The following PITPNC1 variants were observed in gnomAD, a reference collection of about 807,000 sequenced individuals.
The protein encoded by PITPNC1 is cytoplasmic phosphatidylinositol transfer protein 1.
In PITPNC1, 18 loss-of-function variants were observed where a neutral mutation model predicts 44.7. The observed-to-expected ratio is 0.40, with a 90% CI of 0.28 to 0.60. The LOEUF is 0.60. PITPNC1 is among the 20% of genes least tolerant of loss of function. The probability of loss-of-function intolerance (pLI) is 0.39; values close to 1 mark genes in which losing one functional copy is unlikely to be tolerated. For missense variants in PITPNC1, 290 were observed against 418.4 expected (o/e 0.69, Z 2.68); for synonymous variants, 141 against 149.6 (o/e 0.94, Z 0.42).
rs2042961756 is a variant in PITPNC1, at chr17:67,693,356, T to C, written c.*468T>C. ...CTAATTACTAATACTTGAATACCAA[T>C]AGTTACTGAGATTCCTATTTTGTGG... On this transcript the variant is annotated 3_prime_UTR_variant, in exon 9 of 9. Coordinates refer to ENST00000581322, the MANE Select transcript of PITPNC1 (RefSeq NM_012417.4). 6.5e-6 allele frequency: 1 copy of C among 153,288 alleles called. No homozygotes were observed. The highest frequency in any genetic ancestry group is 2.4e-5 in the African/African-American group (1 of 41,494). 9.5% of individuals were successfully genotyped at this position (153,288 alleles called of 1,614,324 possible).
rs550897067 is a variant in PITPNC1, at chr17:67,469,881, CTT to C, written c.49-62919_49-62918del. Reference sequence around the variant, plus strand: ...GGCTGAGAGATTTTTTAAAAATCAGCTTTACTGTGATATATAATATATATATG... The same window carrying C: ...GGCTGAGAGATTTTTTAAAAATCAGCTACTGTGATATATAATATATATATG... On this transcript the variant is annotated intron_variant, in intron 1 of 8. Coordinates refer to ENST00000581322, the MANE Select transcript of PITPNC1 (RefSeq NM_012417.4). Among the ~76,000 whole-genome samples the C allele has an allele frequency of 4.3e-3, 650 of 151,752 alleles. 7 individuals carry two copies. The highest frequency in any genetic ancestry group is 0.015 in the African/African-American group (631 of 41,352).
chr17:67,405,609 C>CTTTT (rs748815813), intron 1 of PITPNC1, among the ~76,000 whole-genome samples: 7 of 142,012 alleles, frequency 4.9e-5, no homozygotes, highest in East Asian at 2.0e-4. Flanking sequence ...TTCTTTCTTT[C>CTTTT]TTTTTTTTTT....
chr17:67,669,770 C>A, intron 7 of PITPNC1, 107 bp downstream of exon 7: 1 of 807,918 alleles, frequency 1.2e-6, no homozygotes, highest in South Asian at 1.8e-5. Flanking sequence ...CAGGTCACTG[C>A]ATCTCAAAAA....
intron 5 of PITPNC1, among the ~76,000 whole-genome samples, chr17:67,618,650 A>G (rs889056810): frequency 2.0e-5 from 3 of 151,066 alleles, no homozygotes; most frequent in African/African-American, 4.9e-5. Context: ...TACTCAGGAG[A>G]CTGAGGCAGG....
intron 1 of PITPNC1, among the ~76,000 whole-genome samples, chr17:67,482,303 G>A (rs2039715206): frequency 6.6e-6 from 1 of 152,244 alleles, no homozygotes; most frequent in Admixed American, 6.5e-5. Flanking sequence ...GTTATCTTGA[G>A]TAGGGTATTT....
chr17:67,495,042 T>TTG (rs1253595595), intron 1 of PITPNC1, among the ~76,000 whole-genome samples: 4 of 68,790 alleles, frequency 5.8e-5, no homozygotes, highest in East Asian at 9.0e-4. Flanking sequence ...ATGGAGTTGT[T>TTG]TTTTTTTTTG....
At chr17:67,485,370 A>ATT (rs56863875) in intron 1 of PITPNC1, among the ~76,000 whole-genome samples, 47 of 122,176 alleles carry the variant, frequency 3.8e-4, no homozygotes, top group African/African-American at 9.9e-4. Flanking sequence ...TAGTTGGGTG[A>ATT]TTTTTTTTTT....
intron 2 of PITPNC1, among the ~76,000 whole-genome samples, chr17:67,534,339 A>G (rs2040500648): frequency 6.6e-6 from 1 of 152,110 alleles, no homozygotes; most frequent in Non-Finnish European, 1.5e-5. Context: ...TAGATGCCAT[A>G]TGAAATATAT....
chr17:67,461,197 C>G (rs1206638847), intron 1 of PITPNC1, among the ~76,000 whole-genome samples: 1 of 152,218 alleles, frequency 6.6e-6, no homozygotes, highest in Non-Finnish European at 1.5e-5. Flanking sequence ...CTCACTGTGT[C>G]CATGAAAAGA....
chr17:67,436,034 C>T (rs2038933023), intron 1 of PITPNC1, among the ~76,000 whole-genome samples: 1 of 152,006 alleles, frequency 6.6e-6, no homozygotes, highest in African/African-American at 2.4e-5. Context: ...CTCTGTTGCC[C>T]CAGGCTGCAG....
chr17:67,604,243 A>G (rs2041580285), intron 5 of PITPNC1, among the ~76,000 whole-genome samples: 1 of 152,234 alleles, frequency 6.6e-6, no homozygotes, highest in Non-Finnish European at 1.5e-5. Flanking sequence ...CTTTCCAGCC[A>G]TGTGTCTAGT....
At chr17:67,441,882 CTTAA>C (rs2039017205) in intron 1 of PITPNC1, among the ~76,000 whole-genome samples, 2 of 152,156 alleles carry the variant, frequency 1.3e-5, no homozygotes, top group South Asian at 4.1e-4. Context: ...TTCTTTTCCA[CTTAA>C]TTAGTTAACA....
At position 67,525,059 on chromosome 17, in the gene PITPNC1, G is replaced by A. The variant is rs1236488211; in HGVS notation, c.49-7743G>A. On this transcript the variant is annotated intron_variant, in intron 1 of 8. Transcript: ENST00000581322. ...GCTGGGATTACAGGCATGAGCCACC[G>A]CGCCCGGCCGAAGGTTTTCTAATAA... 1.8e-3 allele frequency: 5 copies of A among 2,756 alleles called. 2 individuals carry two copies. The highest frequency in any genetic ancestry group is 3.2e-3 in the Non-Finnish European group (5 of 1,546). The allele number at this position is 2,756 out of a possible 1,614,324, so 0.2% of individuals were successfully genotyped here. A position where few individuals can be genotyped will look rare whatever the true frequency, so the allele number is the denominator to read the frequency against.
At chr17:67,449,811 T>C (rs368799653) in intron 1 of PITPNC1, among the ~76,000 whole-genome samples, 1 of 152,218 alleles carries the variant, frequency 6.6e-6, no homozygotes, top group Non-Finnish European at 1.5e-5. Context: ...AGTGTTAAAA[T>C]GAAAGCATTG....
In PITPNC1 at chr17:67,495,040, GTTTTTTTTTTTGTTTTTTTTTT is replaced by G. The variant is rs1446630897; in HGVS notation, c.49-37750_49-37729del. Among the ~76,000 whole-genome samples the G allele has an allele frequency of 1.4e-4, 9 of 64,704 alleles. 1 individual carries two copies. Among genetic ancestry groups the G allele is most frequent in the African/African-American group, 2.0e-4 (3 of 14,924 alleles). The allele number at this position is 64,704 out of a possible 152,430, so 42.4% of individuals were successfully genotyped here. On this transcript the variant is annotated intron_variant, in intron 1 of 8. Coordinates refer to ENST00000581322, the MANE Select transcript of PITPNC1 (RefSeq NM_012417.4). ...TTTGGCAATATTGAGCCATGGAGTT[GTTTTTTTTTTTGTTTTTTTTTT>G]TTTTTTTTTTTTGAGACGGAGTCTG...
chr17:67,386,918 C>G (rs992561404), intron 1 of PITPNC1, among the ~76,000 whole-genome samples: 1 of 151,970 alleles, frequency 6.6e-6, no homozygotes, highest in African/African-American at 2.4e-5. Context: ...GAATTTCAGA[C>G]TAGAAATCAG....
chr17:67,690,790 C>G (rs1011190268), intron 8 of PITPNC1, among the ~76,000 whole-genome samples: 3 of 151,992 alleles, frequency 2.0e-5, no homozygotes, highest in African/African-American at 7.3e-5. Context: ...CAGGGATAGC[C>G]AGGGTAACAA....
chr17:67,652,982 T>C (rs147933137), intron 6 of PITPNC1, among the ~76,000 whole-genome samples: 6 of 152,230 alleles, frequency 3.9e-5, no homozygotes, highest in Non-Finnish European at 7.4e-5. Context: ...GGTGTCCTTA[T>C]AAAAAGGAGA....
rs1408857681 is a variant in PITPNC1, at chr17:67,693,744, T to G, written c.*856T>G. 6.6e-6 allele frequency: 1 copy of G among 152,248 alleles called. No homozygotes were observed. Among genetic ancestry groups the G allele is most frequent in the African/African-American group, 2.4e-5 (1 of 41,462 alleles). 9.4% of individuals were successfully genotyped at this position (152,248 alleles called of 1,614,324 possible). On this transcript the variant is annotated 3_prime_UTR_variant, in exon 9 of 9. Coordinates refer to ENST00000581322, the MANE Select transcript of PITPNC1 (RefSeq NM_012417.4). ...AGAATTTGCAATTAATTGAATAGAA[T>G]TCATTTACTATCTGCCCACTCAAAG...
Sources: allele counts gnomAD v4.1 joint callset (sites outside exome capture counted in the v4.1 genomes callset), GRCh38; gene constraint gnomAD v4.1.1; transcripts MANE v1.5; gene names NCBI Gene and HGNC (gene_info 2026-07-23, HGNC 2026-07-21).